ANKS1A: variants seen among roughly 807,000 people sequenced by gnomAD.
ANKS1A encodes the protein ankyrin repeat and sterile alpha motif domain containing 1A.
In ANKS1A, 55 loss-of-function variants were observed where a neutral mutation model predicts 120.3. The ratio of observed to expected loss-of-function variants is 0.46; its 90% CI spans 0.37 to 0.57. The LOEUF (loss-of-function observed/expected upper bound fraction) is 0.57. ANKS1A is among the 20% of genes least tolerant of loss of function. ANKS1A has a pLI of 0.00. For missense variants in ANKS1A, 1,123 were observed against 1,480.3 expected, an observed-to-expected ratio of 0.76 and a Z score of 3.96; for synonymous variants, 590 against 604.7, an observed-to-expected ratio of 0.98 and a Z score of 0.36.
At chr6:34,961,743 AT>A (rs1389538308) in intron 1 of ANKS1A, among the ~76,000 whole-genome samples, 1 of 152,170 alleles carries the variant, frequency 6.6e-6, no homozygotes, top group Non-Finnish European at 1.5e-5. Context: ...ATAGAACTAA[AT>A]TGGTAGCTGA....
chr6:34,918,182 A>T (rs1227355458), intron 1 of ANKS1A, among the ~76,000 whole-genome samples: 1 of 152,206 alleles, frequency 6.6e-6, no homozygotes, highest in Non-Finnish European at 1.5e-5. Flanking sequence ...AAGGCTGTAG[A>T]ATTCCATGCA....
At chr6:35,063,090 A>C (rs1477803221) in intron 13 of ANKS1A, among the ~76,000 whole-genome samples, 1 of 152,228 alleles carries the variant, frequency 6.6e-6, no homozygotes. Context: ...GCTTACAGAC[A>C]GAAAGGGCCT....
intron 1 of ANKS1A, among the ~76,000 whole-genome samples, chr6:34,934,652 A>G (rs2127476869): frequency 6.6e-6 from 1 of 152,364 alleles, no homozygotes; most frequent in South Asian, 2.1e-4. Flanking sequence ...TGCAAGAAGA[A>G]AAAAATCCTT....
intron 11 of ANKS1A, among the ~76,000 whole-genome samples, chr6:35,042,965 G>C (rs901710979): frequency 2.0e-5 from 3 of 152,200 alleles, no homozygotes; most frequent in African/African-American, 7.2e-5. Context: ...TTGGTTCCTA[G>C]CTCAGACATT....
rs1191924979 is a variant in ANKS1A at position 34,981,857 on chromosome 6, C to T, written c.603C>T (p.Leu201=). The T allele has an allele frequency of 1.2e-6, 2 of 1,614,124 alleles. No individual in the cohort carries two copies. Among genetic ancestry groups the T allele is most frequent in the Admixed American group, 1.7e-5 (1 of 60,008 alleles). Residue 201 remains leucine (L), a synonymous_variant, in exon 4 of 24, where the codon CTC becomes CTT. Transcript: ENST00000360359. ...GGCGACTGGAGGTGGTGAAAATGCT[C>T]CTTAATGCACACCCCAACCTCCTGA... ...LYGRLEVVKM[L]LNAHPNLLSC...
chr6:34,976,442 C>T (rs1227465858), intron 3 of ANKS1A, among the ~76,000 whole-genome samples: 3 of 152,076 alleles, frequency 2.0e-5, no homozygotes, highest in Non-Finnish European at 4.4e-5. Context: ...TGCGCATTTT[C>T]CCCCTCTTAA....
At chr6:35,056,490 G>A (rs557075562) in intron 12 of ANKS1A, among the ~76,000 whole-genome samples, 18 of 152,142 alleles carry the variant, frequency 1.2e-4, no homozygotes, top group East Asian at 3.9e-4. Flanking sequence ...GGGTTTCACC[G>A]TGTTAGCCAG....
intron 14 of ANKS1A, 31 bp from the exon 15 acceptor site, chr6:35,079,485 T>C: frequency 1.9e-6 from 3 of 1,612,222 alleles, no homozygotes; most frequent in Non-Finnish European, 2.5e-6. Flanking sequence ...AGTGCTGAGA[T>C]GTCAGTTTCA....
chr6:34,924,584 C>T (rs186705522), intron 1 of ANKS1A, among the ~76,000 whole-genome samples: 11 of 152,174 alleles, frequency 7.2e-5, no homozygotes, highest in African/African-American at 2.7e-4. Flanking sequence ...AAATCGGTGA[C>T]TCCTGCCATT....
chr6:34,967,786 G>A (rs753899689), intron 2 of ANKS1A, among the ~76,000 whole-genome samples: 2 of 151,998 alleles, frequency 1.3e-5, no homozygotes, highest in Non-Finnish European at 2.9e-5. Context: ...CAGCATTTCT[G>A]TGTCTTTCTT....
At chr6:35,059,003 C>T (rs915291807) in intron 12 of ANKS1A, among the ~76,000 whole-genome samples, 24 of 152,218 alleles carry the variant, frequency 1.6e-4, no homozygotes, top group African/African-American at 5.3e-4. Context: ...CAGCGCAGGA[C>T]GTGAATAGAC....
Position 34,994,331 on chromosome 6 carries a change from G to T in ANKS1A, c.1332G>T (p.Gly444=). ...EVLSMRPRIH[G]SAAREEDEHP... is the part of the protein sequence containing the mutation. ...TGTCCATGAGACCTAGGATTCATGG[G>T]AGTGCAGCCCGGGAAGAAGACGAAC... Residue 444 remains glycine, a synonymous_variant, in exon 10 of 24, where the codon GGG becomes GGT. Coordinates refer to ENST00000360359, the MANE Select transcript of ANKS1A (RefSeq NM_015245.3). 4 of 1,613,684 alleles carry T rather than the reference G, an allele frequency of 2.5e-6. No homozygotes were observed. In the South Asian group the frequency reaches 4.4e-5, roughly 18 times the overall value.
Position 35,082,748 on chromosome 6 carries a change from G to A in ANKS1A, c.2767G>A (p.Ala923Thr), listed in dbSNP as rs144974029. The change falls in exon 18 of 24, where the codon GCC (alanine) becomes ACC (threonine). Residue 923 changes from alanine (A) to threonine (T), a missense_variant. Physicochemically the swap from Ala to Thr is moderately conservative, Grantham distance 58 (BLOSUM62 0). This residue lies in a region of ANKS1A where 904 missense variants were observed against 1,130.4 expected (regional missense o/e 0.80). Transcript: ENST00000360359. This position sits in a 1 kb window ranked among gnomAD's most constrained non-coding sequence, Gnocchi z 4.1. Reference sequence around the variant, plus strand: ...GCCCCCGAGCCTGGCAGCCCCCTACGCCCCAGTGCAGAGTTGGCAACACCA... The same window carrying A: ...GCCCCCGAGCCTGGCAGCCCCCTACACCCCAGTGCAGAGTTGGCAACACCA... ...LRPPSLAAPY[A>T]PVQSWQHQPE... 106 of 1,613,662 alleles carry A rather than the reference G, an allele frequency of 6.6e-5. 1 individual carries two copies. Among genetic ancestry groups the A allele is most frequent in the South Asian group, 1.5e-4 (14 of 91,056 alleles).
chr6:34,972,400 T>G (rs1277669816), intron 3 of ANKS1A, among the ~76,000 whole-genome samples: 1 of 152,074 alleles, frequency 6.6e-6, no homozygotes, highest in Admixed American at 6.5e-5. Flanking sequence ...GTAGGATGCT[T>G]AGATTAAAGG....
intron 8 of ANKS1A, among the ~76,000 whole-genome samples, chr6:34,988,368 G>A (rs186336672): frequency 1.2e-4 from 18 of 152,300 alleles, no homozygotes; most frequent in Admixed American, 7.2e-4. Context: ...AGGCCAAGGC[G>A]GGTGGATCAC....
chr6:34,904,139 CGTA>C (rs1263216146), intron 1 of ANKS1A, among the ~76,000 whole-genome samples: 2 of 152,070 alleles, frequency 1.3e-5, no homozygotes, highest in African/African-American at 4.8e-5. Flanking sequence ...TATAAAATGG[CGTA>C]GTATTTGTGT....
In ANKS1A at chr6:35,058,955, C is replaced by T. The variant is rs537330690; in HGVS notation, c.2078-1192C>T. On this transcript the variant is annotated intron_variant, in intron 12 of 23. Coordinates refer to ENST00000360359, the MANE Select transcript of ANKS1A (RefSeq NM_015245.3). This position sits in a 1 kb window ranked among gnomAD's most constrained non-coding sequence, Gnocchi z 5.1. ...ACGCCAAGATCCAGAGACCCTGGGA[C>T]GACTGTGGCTGTCTTTATCACTCAG... Among the ~76,000 whole-genome samples the T allele has an allele frequency of 1.4e-3, 215 of 152,336 alleles. 1 individual carries two copies. Among genetic ancestry groups the T allele is most frequent in the African/African-American group, 3.2e-3 (131 of 41,582 alleles).
At chr6:34,947,119 C>T (rs1391004807) in intron 1 of ANKS1A, among the ~76,000 whole-genome samples, 3 of 144,826 alleles carry the variant, frequency 2.1e-5, no homozygotes, top group Non-Finnish European at 4.5e-5. Context: ...TAATATGATA[C>T]TTAATACGTA....
intron 10 of ANKS1A, among the ~76,000 whole-genome samples, chr6:35,004,192 C>T (rs192067160): frequency 1.3e-5 from 2 of 152,258 alleles, no homozygotes; most frequent in Non-Finnish European, 2.9e-5. Flanking sequence ...AGGAATTGCT[C>T]ACTCAGGGAG....
Sources: gnomAD v4.1 joint callset for allele counts (sites outside exome capture counted in the v4.1 genomes callset) on GRCh38, gnomAD v4.1.1 for gene constraint, gnomAD v4.1.1 regional missense constraint, Gnocchi (gnomAD v3.1) non-coding constraint, MANE v1.5 for transcripts, NCBI Gene and HGNC (gene_info 2026-07-23, HGNC 2026-07-21) for gene names.